Variants in FER1L6 observed in about 807,000 individuals in gnomAD.
FER1L6 encodes the protein fer-1 like family member 6.
FER1L6 carries 177 observed loss-of-function variants against 219.2 expected under a neutral mutation model. The observed-to-expected ratio is 0.81, with a 90% CI of 0.71 to 0.91. The LOEUF is 0.91. Among genes scored for constraint, FER1L6 ranks in the 40% least tolerant of loss-of-function variants. The pLI is 0.00. For synonymous variants in FER1L6, 768 were observed against 824.3 expected (o/e 0.93, Z 1.17); for missense variants, 2,153 against 2,259.9 (o/e 0.95, Z 0.96).
rs1005835512 is a variant in FER1L6, at chr8:123,852,528, G to A, written c.-8+343G>A. Among the ~76,000 whole-genome samples, 1 of 147,686 alleles carries A rather than the reference G, an allele frequency of 6.8e-6. No individual in the cohort carries two copies. The highest frequency in any genetic ancestry group is 2.6e-5 in the African/African-American group (1 of 37,786). Reference sequence around the variant, plus strand: ...TGTGTGTGTGTTTGACAGAGACAGAGGGAGGAGAAAGAAGAGAGACTGGTA... The same window carrying A: ...TGTGTGTGTGTTTGACAGAGACAGAAGGAGGAGAAAGAAGAGAGACTGGTA... On this transcript the variant is annotated intron_variant, in intron 1 of 40. Transcript: ENST00000522917. This position sits in a 1 kb window ranked among gnomAD's most constrained non-coding sequence, Gnocchi z 4.9.
intron 28 of FER1L6, 95 bp downstream of exon 28, chr8:124,067,901 A>C: frequency 2.7e-5 from 25 of 929,164 alleles, no homozygotes; most frequent in Non-Finnish European, 4.0e-5. Flanking sequence ...ATTAGAGCTC[A>C]ACTCCCTCCT....
intron 1 of FER1L6, among the ~76,000 whole-genome samples, chr8:123,893,210 G>A (rs979360823): frequency 4.6e-5 from 7 of 152,006 alleles, no homozygotes; most frequent in African/African-American, 1.4e-4. Context: ...TGCTTCTTTG[G>A]GGGAGTTCAC....
At chr8:124,114,801 CATG>C (rs1308332181) in intron 39 of FER1L6, among the ~76,000 whole-genome samples, 4 of 149,546 alleles carry the variant, frequency 2.7e-5, no homozygotes, top group South Asian at 2.1e-4. Context: ...TGTGGTCATA[CATG>C]ATCTTATATA....
intron 33 of FER1L6, among the ~76,000 whole-genome samples, chr8:124,086,335 C>T (rs1198426278): frequency 1.3e-5 from 2 of 149,582 alleles, no homozygotes; most frequent in Admixed American, 6.7e-5. Flanking sequence ...TAATTTCTTG[C>T]TTTTTTATTT....
At chr8:123,968,976 C>T (rs763681286) in intron 5 of FER1L6, among the ~76,000 whole-genome samples, 10 of 152,060 alleles carry the variant, frequency 6.6e-5, no homozygotes, top group South Asian at 2.1e-4. Context: ...CCCTCAGTTC[C>T]CAAAACACAC....
Position 124,103,218 on chromosome 8 carries a change from T to G in FER1L6, c.5198T>G (p.Phe1733Cys). 6.2e-7 allele frequency: 1 copy of G among 1,614,122 alleles called. No individual in the cohort carries two copies. Among genetic ancestry groups the G allele is most frequent in the South Asian group, 1.1e-5 (1 of 91,070 alleles). Residue 1733 changes from phenylalanine (F) to cysteine (C), a missense_variant, in exon 39 of 41, where the codon TTT becomes TGT. Coordinates refer to ENST00000522917, the MANE Select transcript of FER1L6 (RefSeq NM_001039112.2). The part of the protein sequence containing the change: ...KSAKACDLAK[F>C]ENASEETKIS... ...GCCAAAGCCTGTGATCTTGCCAAGT[T>G]TGAAAATGCAAGTGAGGAGACCAAG...
chr8:124,029,792 G>A (rs939463995), intron 18 of FER1L6, among the ~76,000 whole-genome samples: 1 of 152,116 alleles, frequency 6.6e-6, no homozygotes, highest in Non-Finnish European at 1.5e-5. Context: ...GTCAATTTCT[G>A]CTTTTGTTGC....
chr8:123,881,531 A>C (rs1465849729), intron 1 of FER1L6, among the ~76,000 whole-genome samples: 1 of 152,176 alleles, frequency 6.6e-6, no homozygotes, highest in Non-Finnish European at 1.5e-5. Context: ...CCTCTAAATA[A>C]GTGGGCCTTT....
chr8:124,040,158 G>C (rs1819420020), intron 20 of FER1L6, 152 bp downstream of exon 20: 2 of 1,026,626 alleles, frequency 1.9e-6, no homozygotes, highest in Non-Finnish European at 2.9e-6. Flanking sequence ...TATGTGCCCA[G>C]AAGGACTGGT....
rs765574382 is a variant in FER1L6 at position 123,966,188 on chromosome 8, G to C, written c.282G>C (p.Gln94His). The change falls in exon 5 of 41, where the codon CAG (glutamine) becomes CAC (histidine). Residue 94 changes from glutamine (Q) to histidine (H), a missense_variant. Coordinates refer to ENST00000522917, the MANE Select transcript of FER1L6 (RefSeq NM_001039112.2). ...CCATAACCATCACCGAGGCTCGCCA[G>C]CTGGTGGGTGAGAACATTGACCCAG... ...QIAITITEAR[Q>H]LVGENIDPVV... The C allele has an allele frequency of 5.6e-6, 9 of 1,614,008 alleles. No individual in the cohort carries two copies. In the African/African-American group the frequency reaches 6.7e-5, roughly 12 times the overall value.
intron 31 of FER1L6, among the ~76,000 whole-genome samples, chr8:124,072,762 G>GAAGAAC (rs1235664894): frequency 6.6e-6 from 1 of 152,188 alleles, no homozygotes; most frequent in Non-Finnish European, 1.5e-5. Flanking sequence ...AGAACTTAGA[G>GAAGAAC]TCACTGACAA....
At position 123,887,338 on chromosome 8, in the gene FER1L6, C is replaced by T. The variant is rs184956670; in HGVS notation, c.-8+35153C>T. 4.2e-3 allele frequency among the ~76,000 whole-genome samples: 632 copies of T among 152,258 alleles called. 16 individuals are homozygous for T. The highest frequency in any genetic ancestry group is 0.03 in the Admixed American group (461 of 15,284). On this transcript the variant is annotated intron_variant, in intron 1 of 40. Transcript: ENST00000522917. ...TGTTTTGGTAACAGATTTTGTTTCC[C>T]TGATTGGGAACCGATTTGGTTCCCT... is the stretch of plus-strand genomic sequence containing the variant.
At chr8:123,894,387 T>A (rs1812709404) in intron 1 of FER1L6, among the ~76,000 whole-genome samples, 1 of 152,196 alleles carries the variant, frequency 6.6e-6, no homozygotes, top group Non-Finnish European at 1.5e-5. Flanking sequence ...ATTAAAGCCT[T>A]CTTCCTTGGC....
chr8:123,913,210 A>G (rs879718628), intron 1 of FER1L6, among the ~76,000 whole-genome samples: 1 of 151,980 alleles, frequency 6.6e-6, no homozygotes, highest in Non-Finnish European at 1.5e-5. Context: ...TTTACTTAAT[A>G]CCTACTAACT....
chr8:124,025,213 TA>T (rs1818652017), intron 18 of FER1L6, among the ~76,000 whole-genome samples: 1 of 101,404 alleles, frequency 9.9e-6, no homozygotes, highest in African/African-American at 4.1e-5. Flanking sequence ...AGGTACAATT[TA>T]TTTTTTTGTT....
intron 1 of FER1L6, among the ~76,000 whole-genome samples, chr8:123,884,437 G>A (rs993286105): frequency 2.0e-5 from 3 of 152,188 alleles, no homozygotes; most frequent in Admixed American, 2.0e-4. Context: ...AACTTGGCTG[G>A]GGAGGTGCCT....
In FER1L6 at chr8:123,993,233, G is replaced by C. The variant is rs544368953; in HGVS notation, c.1519+7057G>C. Among the ~76,000 whole-genome samples the C allele has an allele frequency of 2.8e-4, 43 of 152,034 alleles. No individual in the cohort carries two copies. The South Asian group carries it at 8.9e-3, about 32-fold the overall frequency. ...CGAGGCGGGCGGATCACGAGGTCAG[G>C]AGATCGAGACCATCCCGGCTAAAAC... On this transcript the variant is annotated intron_variant, in intron 12 of 40. Transcript: ENST00000522917.
intron 33 of FER1L6, among the ~76,000 whole-genome samples, chr8:124,086,532 T>C (rs1821792286): frequency 6.6e-6 from 1 of 152,166 alleles, no homozygotes; most frequent in African/African-American, 2.4e-5. Flanking sequence ...TTGTTTCTAC[T>C]TATATCTTAT....
chr8:124,049,701 T>A lies in FER1L6; in HGVS notation c.2819T>A (p.Ile940Asn). Residue 940 changes from isoleucine to asparagine, a missense_variant, in exon 22 of 41, where the codon ATC becomes AAC. Physicochemically the swap from Ile to Asn is moderately radical, Grantham distance 149 (BLOSUM62 -3). Transcript: ENST00000522917. ...CCCCCCAGGTTATGCTATCACCCCATCTTTTGTGGGAATCTCTCTGGAGGG... is the reference window on the plus strand; with the variant it reads ...CCCCCCAGGTTATGCTATCACCCCAACTTTTGTGGGAATCTCTCTGGAGGG... Reference protein sequence around the residue: ...YEPPRLCYHPIFCGNLSGGDL... With the variant: ...YEPPRLCYHPNFCGNLSGGDL... 1 of 1,614,080 alleles carries A rather than the reference T, an allele frequency of 6.2e-7. No homozygotes were observed. Among genetic ancestry groups the A allele is most frequent in the Non-Finnish European group, 8.5e-7 (1 of 1,179,986 alleles).
Sources: allele counts gnomAD v4.1 joint callset (sites outside exome capture counted in the v4.1 genomes callset), GRCh38; gene constraint gnomAD v4.1.1; non-coding constraint Gnocchi (gnomAD v3.1); transcripts MANE v1.5; gene names NCBI Gene and HGNC (gene_info 2026-07-23, HGNC 2026-07-21).